The following MPDZ variants were observed in gnomAD, a reference collection of about 807,000 sequenced individuals.
MPDZ encodes multiple PDZ domain protein.
MPDZ carries 234 observed loss-of-function variants against 239.1 expected under a neutral mutation model. The ratio of observed to expected loss-of-function variants is 0.98; its 90% CI spans 0.88 to 1.09. MPDZ has a LOEUF of 1.09. Among genes scored for constraint, MPDZ ranks in the 50% least tolerant of loss-of-function variants. The pLI is 0.00. For missense variants in MPDZ, 3,175 were observed against 2,510.0 expected (o/e 1.26, Z -5.66); for synonymous variants, 1,048 against 881.3 (o/e 1.19, Z -3.35).
intron 23 of MPDZ, 25 bp from the exon 24 acceptor site, chr9:13,158,135 T>G: frequency 6.3e-7 from 1 of 1,576,394 alleles, no homozygotes; most frequent in Non-Finnish European, 8.7e-7. Context: ...ACACAATGAG[T>G]ACCCCAAAAT....
In MPDZ at chr9:13,250,329, C is replaced by G. The variant is rs2137995421; in HGVS notation, c.-14G>C. On this transcript the variant is annotated 5_prime_UTR_variant, in exon 2 of 47. Coordinates refer to ENST00000319217, the MANE Select transcript of MPDZ (RefSeq NM_001378778.1). Reference sequence around the variant, plus strand: ...GGCTTCCAACATTTTTTTCAAAGTTCAGTGTTCTTCTCTGAAATGATTAAC... The same window carrying G: ...GGCTTCCAACATTTTTTTCAAAGTTGAGTGTTCTTCTCTGAAATGATTAAC... The G allele has an allele frequency of 6.3e-7, 1 of 1,584,304 alleles. No individual in the cohort carries two copies. Among genetic ancestry groups the G allele is most frequent in the African/African-American group, 1.3e-5 (1 of 74,578 alleles).
chr9:13,168,711 T>G, intron 21 of MPDZ, 147 bp from the exon 22 acceptor site: 1 of 648,244 alleles, frequency 1.5e-6, no homozygotes, highest in Non-Finnish European at 2.5e-6. Context: ...CAGGAAAAAG[T>G]GTTTCTAACA....
In MPDZ at chr9:13,205,034, A is replaced by T; in HGVS notation, c.1546+2T>A. Reference sequence around the variant, plus strand: ...CACAATAAGCTGGCGCTAGGTGTTTACCTTCTTCTTCAGTTGGTAATATGT... The same window carrying T: ...CACAATAAGCTGGCGCTAGGTGTTTTCCTTCTTCTTCAGTTGGTAATATGT... On this transcript the variant is annotated splice_donor_variant, in intron 12 of 46. Transcript: ENST00000319217. LOFTEE classifies it high-confidence loss of function. The T allele has an allele frequency of 3.4e-6, 5 of 1,449,856 alleles. No individual in the cohort carries two copies. The highest frequency in any genetic ancestry group is 4.5e-6 in the Non-Finnish European group (5 of 1,102,320). The allele number at this position is 1,449,856 out of a possible 1,614,324, so 89.8% of individuals were successfully genotyped here.
intron 3 of MPDZ, among the ~76,000 whole-genome samples, chr9:13,244,952 G>A (rs1410131236): frequency 2.6e-5 from 4 of 151,958 alleles, no homozygotes; most frequent in Admixed American, 6.6e-5. Context: ...TCAGAGGGTC[G>A]TATTTTCTAA....
intron 1 of MPDZ, among the ~76,000 whole-genome samples, chr9:13,256,994 A>G (rs548725660): frequency 1.3e-5 from 2 of 152,318 alleles, no homozygotes; most frequent in South Asian, 2.1e-4. Flanking sequence ...TCAGGCATCT[A>G]CTGGGGGTCT....
chr9:13,114,653 A>C (rs1284548411), intron 40 of MPDZ, among the ~76,000 whole-genome samples: 1 of 152,104 alleles, frequency 6.6e-6, no homozygotes, highest in Non-Finnish European at 1.5e-5. Context: ...TGTAATCCCA[A>C]CACTTTGGGA....
At chr9:13,193,071 G>A in intron 14 of MPDZ, 96 bp downstream of exon 14, 9 of 1,197,494 alleles carry the variant, frequency 7.5e-6, no homozygotes, top group South Asian at 6.5e-5. Flanking sequence ...CCTTTGGAGG[G>A]GAAATTTAAA....
intron 12 of MPDZ, among the ~76,000 whole-genome samples, chr9:13,202,671 G>C (rs555801575): frequency 3.3e-5 from 5 of 152,300 alleles, no homozygotes; most frequent in Non-Finnish European, 7.3e-5. Flanking sequence ...CAGACCAGTG[G>C]AGAGAATGAA....
chr9:13,189,808 T>G (rs1954643475), intron 16 of MPDZ, among the ~76,000 whole-genome samples: 1 of 152,168 alleles, frequency 6.6e-6, no homozygotes, highest in Admixed American at 6.6e-5. Context: ...ACCACTAAAA[T>G]ATGAGTCATC....
intron 1 of MPDZ, among the ~76,000 whole-genome samples, chr9:13,261,483 C>T (rs1229486805): frequency 2.6e-5 from 4 of 152,030 alleles, no homozygotes; most frequent in Admixed American, 1.3e-4. Flanking sequence ...AATACCCTTG[C>T]TTACGAAATA....
At chr9:13,137,704 C>T (rs917280564) in intron 29 of MPDZ, among the ~76,000 whole-genome samples, 5 of 152,086 alleles carry the variant, frequency 3.3e-5, no homozygotes, top group African/African-American at 1.2e-4. Context: ...GAAGTGTAAG[C>T]TTTATTACTA....
chr9:13,217,265 T>C lies in MPDZ; in HGVS notation c.1116A>G (p.Glu372=), dbSNP rs754439924. The change falls in exon 9 of 47, where the codon GAA becomes GAG. Residue 372 remains glutamate, a synonymous_variant. Coordinates refer to ENST00000319217, the MANE Select transcript of MPDZ (RefSeq NM_001378778.1). ...RVDASTQKGE[E]SETFDVELTK... is the part of the protein sequence containing the mutation. ...TGAGTTCTACATCAAATGTCTCACT[T>C]TCTTCACCTTTCTGAGTAGAAGCAT... 1 of 1,599,346 alleles carries C rather than the reference T, an allele frequency of 6.3e-7. No individual in the cohort carries two copies. The highest frequency in any genetic ancestry group is 8.5e-7 in the Non-Finnish European group (1 of 1,171,680).
At chr9:13,201,181 T>A (rs562591534) in intron 12 of MPDZ, among the ~76,000 whole-genome samples, 1 of 152,172 alleles carries the variant, frequency 6.6e-6, no homozygotes, top group African/African-American at 2.4e-5. Flanking sequence ...TGTCTTTTTA[T>A]TTTTTTACTG....
intron 21 of MPDZ, among the ~76,000 whole-genome samples, chr9:13,174,981 C>T (rs1446884884): frequency 6.6e-6 from 1 of 152,060 alleles, no homozygotes; most frequent in Admixed American, 6.6e-5. Context: ...GTCAGTGTAA[C>T]GGGTAGTGGT....
chr9:13,205,909 G>A lies in MPDZ; in HGVS notation c.1474+7C>T, dbSNP rs564948295. ...TCTAACTAAAAACCAGATTAACATA[G>A]GATTACCTTTGATTATGCTGGCATT... On this transcript the variant is annotated splice_region_variant and intron_variant, in intron 11 of 46. Transcript: ENST00000319217. 3.2e-6 allele frequency: 5 copies of A among 1,576,182 alleles called. No homozygotes were observed. In the South Asian group the frequency reaches 4.8e-5, roughly 15 times the overall value.
At chr9:13,235,870 A>G (rs1185990025) in intron 3 of MPDZ, among the ~76,000 whole-genome samples, 1 of 152,100 alleles carries the variant, frequency 6.6e-6, no homozygotes, top group Non-Finnish European at 1.5e-5. Flanking sequence ...GGAAATAAAG[A>G]GTATGTAAGA....
chr9:13,123,146 T>C lies in MPDZ; in HGVS notation c.4953+7A>G, dbSNP rs1365811616. 5 of 1,610,486 alleles carry C rather than the reference T, an allele frequency of 3.1e-6. No homozygotes were observed. In the South Asian group the frequency reaches 3.3e-5, roughly 11 times the overall value. The stretch of plus-strand genomic sequence containing the variant: ...CCTGTACAGAAGCACCTCTGGGTGG[T>C]GCTCACCAGCAGCGTGTCTGAACCC... On this transcript the variant is annotated splice_region_variant and intron_variant, in intron 36 of 46. Transcript: ENST00000319217.
chr9:13,250,757 A>G (rs1967738178), intron 1 of MPDZ, among the ~76,000 whole-genome samples: 1 of 151,760 alleles, frequency 6.6e-6, no homozygotes, highest in African/African-American at 2.4e-5. Context: ...TGGCAAAATC[A>G]TAAAAAGTAG....
intron 1 of MPDZ, 171 bp downstream of exon 1, chr9:13,279,229 C>T (rs1975011847): frequency 7.0e-6 from 1 of 142,382 alleles, no homozygotes; most frequent in Admixed American, 6.8e-5. Context: ...GCCCCACCGC[C>T]CCACGGCCCG....
Sources: gnomAD v4.1 joint callset for allele counts (sites outside exome capture counted in the v4.1 genomes callset) on GRCh38, gnomAD v4.1.1 for gene constraint, MANE v1.5 for transcripts, NCBI Gene and HGNC (gene_info 2026-07-23, HGNC 2026-07-21) for gene names.